The following DAGLA variants were observed in gnomAD, a reference collection of about 807,000 sequenced individuals.
DAGLA encodes the protein diacylglycerol lipase-alpha.
DAGLA carries 22 observed loss-of-function variants against 102.6 expected under a neutral mutation model. That is an observed-to-expected ratio of 0.21 (90% CI 0.15 to 0.31). The LOEUF is 0.31. Among genes scored for constraint, DAGLA ranks in the 10% least tolerant of loss-of-function variants. The probability of loss-of-function intolerance (pLI) is 1.00; values close to 1 mark genes in which losing one functional copy is unlikely to be tolerated. For missense variants in DAGLA, 927 were observed against 1,446.6 expected, an observed-to-expected ratio of 0.64 and a Z score of 5.83; for synonymous variants, 578 against 628.9, an observed-to-expected ratio of 0.92 and a Z score of 1.21.
At chr11:61,695,937 C>T (rs113798599) in intron 1 of DAGLA, among the ~76,000 whole-genome samples, 6,518 of 152,246 alleles carry the variant, frequency 0.043, 199 homozygotes, top group Non-Finnish European at 0.06. Context: ...CGGGCCAGAG[C>T]CCAGGGGCTG....
chr11:61,731,427 GGCTCGGTCCT>G lies in DAGLA; in HGVS notation c.966_974+1del. ...AGCCCGCCTGCGGCCTCTGCCAACT[GGCTCGGTCCT>G]GCTCGTGAGTACCCCTGTCCCATCC... On this transcript the variant is annotated frameshift_variant, in exon 9 of 20. Coordinates refer to ENST00000257215, the MANE Select transcript of DAGLA (RefSeq NM_006133.3). LOFTEE classifies it high-confidence loss of function. 6.2e-7 allele frequency: 1 copy of G among 1,613,786 alleles called. No homozygotes were observed. The highest frequency in any genetic ancestry group is 8.5e-7 in the Non-Finnish European group (1 of 1,180,008).
chr11:61,693,325 T>G (rs1433519671), intron 1 of DAGLA, among the ~76,000 whole-genome samples: 1 of 151,684 alleles, frequency 6.6e-6, no homozygotes, highest in African/African-American at 2.4e-5. Flanking sequence ...ATTTTTGTAA[T>G]AAAAAGATAA....
intron 5 of DAGLA, 62 bp downstream of exon 5, chr11:61,723,634 C>G: frequency 6.3e-7 from 1 of 1,581,414 alleles, no homozygotes; most frequent in African/African-American, 1.3e-5. Context: ...GAGCAGAGGT[C>G]TCCATTCTTC....
chr11:61,744,596 GT>G lies in DAGLA; in HGVS notation c.*110del. The G allele has an allele frequency of 1.0e-6, 1 of 963,166 alleles. No homozygotes were observed. The highest frequency in any genetic ancestry group is 1.5e-6 in the Non-Finnish European group (1 of 656,506). 59.7% of individuals were successfully genotyped at this position (963,166 alleles called of 1,614,324 possible). On this transcript the variant is annotated 3_prime_UTR_variant, in exon 20 of 20. Transcript: ENST00000257215. ...CTTTAAGGACAGACCCCCAGGGGCA[GT>G]TTAGCCTCAGGCACAGGCATCGCTG...
intron 1 of DAGLA, among the ~76,000 whole-genome samples, chr11:61,700,531 A>G (rs1009982823): frequency 6.6e-6 from 1 of 152,168 alleles, no homozygotes; most frequent in African/African-American, 2.4e-5. Context: ...GATTCAGCTC[A>G]TGGCCAGTGA....
intron 5 of DAGLA, among the ~76,000 whole-genome samples, chr11:61,725,514 T>A (rs936504834): frequency 3.3e-5 from 5 of 152,164 alleles, no homozygotes; most frequent in Non-Finnish European, 5.9e-5. Context: ...CTGAAATCCT[T>A]TCTGGGGAAA....
Position 61,744,523 on chromosome 11 carries a change from G to A in DAGLA, c.*34G>A. 6.6e-7 allele frequency: 1 copy of A among 1,510,146 alleles called. No individual in the cohort carries two copies. Among genetic ancestry groups the A allele is most frequent in the Non-Finnish European group, 8.9e-7 (1 of 1,126,364 alleles). The allele number at this position is 1,510,146 out of a possible 1,614,324, so 93.5% of individuals were successfully genotyped here. On this transcript the variant is annotated 3_prime_UTR_variant, in exon 20 of 20. Coordinates refer to ENST00000257215, the MANE Select transcript of DAGLA (RefSeq NM_006133.3). ...TTGCGTGGCCAGCCGGGCCCAGGCA[G>A]GAGCAGGTGGCCCTGTGGGCACCTG...
intron 1 of DAGLA, among the ~76,000 whole-genome samples, chr11:61,703,128 G>A (rs771758786): frequency 2.6e-5 from 4 of 152,140 alleles, no homozygotes; most frequent in African/African-American, 7.2e-5. Flanking sequence ...GCCGTGCTCC[G>A]AAATGGTTTC....
At chr11:61,742,784 C>T (rs2065491831) in intron 19 of DAGLA, among the ~76,000 whole-genome samples, 1 of 149,954 alleles carries the variant, frequency 6.7e-6, no homozygotes, top group Non-Finnish European at 1.5e-5. Context: ...CCCTCCCTCC[C>T]TTCCTCCTTC....
chr11:61,743,503 A>G (rs1382647842), intron 19 of DAGLA, 29 bp from the exon 20 acceptor site: 4 of 1,491,120 alleles, frequency 2.7e-6, no homozygotes, highest in Non-Finnish European at 3.6e-6. Flanking sequence ...TCTGAGTCTT[A>G]TACCCCCTGC....
At chr11:61,737,347 G>A (rs767580917) in intron 14 of DAGLA, 23 bp downstream of exon 14, 6 of 1,607,718 alleles carry the variant, frequency 3.7e-6, no homozygotes. Context: ...GGGCTTCAGA[G>A]TTGGCTGGGG....
chr11:61,720,295 A>T (rs370102818), intron 2 of DAGLA, 45 bp downstream of exon 2: 15 of 1,579,592 alleles, frequency 9.5e-6, no homozygotes, highest in Non-Finnish European at 1.3e-5. Context: ...TTGGAGAGAA[A>T]GGTCTGGAAG....
In DAGLA at chr11:61,680,504, G is replaced by T; in HGVS notation, c.-45G>T. 1 of 150,708 alleles carries T rather than the reference G, an allele frequency of 6.6e-6. No individual in the cohort carries two copies. The highest frequency in any genetic ancestry group is 1.8e-4 in the South Asian group (1 of 5,632). 9.3% of individuals were successfully genotyped at this position (150,708 alleles called of 1,614,324 possible). A position where few individuals can be genotyped will look rare whatever the true frequency, so the allele number is the denominator to read the frequency against. Reference sequence around the variant, plus strand: ...GGGCCGAGCCCTGCGGCGGGCGGGAGGTAAGGGGGGCCTCCGGCGCGGCGG... The same window carrying T: ...GGGCCGAGCCCTGCGGCGGGCGGGATGTAAGGGGGGCCTCCGGCGCGGCGG... On this transcript the variant is annotated splice_region_variant and 5_prime_UTR_variant, in exon 1 of 20. It adds an upstream start codon to the 5' untranslated region. Coordinates refer to ENST00000257215, the MANE Select transcript of DAGLA (RefSeq NM_006133.3).
chr11:61,682,854 G>T (rs532373578), intron 1 of DAGLA, among the ~76,000 whole-genome samples: 26 of 149,980 alleles, frequency 1.7e-4, no homozygotes, highest in East Asian at 1.2e-3. Flanking sequence ...AGGGGGACGG[G>T]GGGGGGAGGT....
At position 61,745,629 on chromosome 11, in the gene DAGLA, A is replaced by T. The variant is rs2065530065; in HGVS notation, c.*1140A>T. 1 of 152,552 alleles carries T rather than the reference A, an allele frequency of 6.6e-6. No homozygotes were observed. Among genetic ancestry groups the T allele is most frequent in the Non-Finnish European group, 1.5e-5 (1 of 68,058 alleles). The allele number at this position is 152,552 out of a possible 1,614,324, so 9.4% of individuals were successfully genotyped here. ...CTGGGGCTGGGAGCAGTCCCGGTTT[A>T]GCCTGAGGTCCCCATAGGGCTTCCT... On this transcript the variant is annotated 3_prime_UTR_variant, in exon 20 of 20. Transcript: ENST00000257215.
Position 61,737,673 on chromosome 11 carries a change from G to A in DAGLA, c.1515-14G>A, listed in dbSNP as rs1463993903. The A allele has an allele frequency of 1.2e-6, 2 of 1,613,544 alleles. No homozygotes were observed. The highest frequency in any genetic ancestry group is 1.7e-5 in the Admixed American group (1 of 59,994). On this transcript the variant is annotated splice_polypyrimidine_tract_variant and intron_variant, in intron 14 of 19. Transcript: ENST00000257215. ...CCCCCTTGGCCTTAGCTTCTGCTTC[G>A]GCTTCCCTTGCAGTGAGGATGCGAT...
intron 13 of DAGLA, 104 bp downstream of exon 13, chr11:61,736,454 C>A: frequency 1.1e-6 from 1 of 933,390 alleles, no homozygotes; most frequent in Non-Finnish European, 1.7e-6. Flanking sequence ...CTCACAACTC[C>A]CACACAAGCC....
rs761590154 is a variant in DAGLA, at chr11:61,734,839, C to A, written c.975-10C>A. ...CCCTGGCCCTGAACTCTCTTGTCAC[C>A]CCACCCTAGGTGTTGCCTGTGTCCT... On this transcript the variant is annotated splice_polypyrimidine_tract_variant and intron_variant, in intron 9 of 19. Transcript: ENST00000257215. The surrounding 1 kb of genome is among the most constrained non-coding windows in gnomAD (Gnocchi z 4.2). 4 of 1,609,022 alleles carry A rather than the reference C, an allele frequency of 2.5e-6. No homozygotes were observed. The South Asian group carries it at 4.4e-5, about 18-fold the overall frequency.
intron 1 of DAGLA, among the ~76,000 whole-genome samples, chr11:61,708,441 C>T (rs1477545859): frequency 2.6e-5 from 4 of 151,822 alleles, no homozygotes; most frequent in African/African-American, 4.8e-5. Context: ...AGTGCAGTGG[C>T]GTGATTTCGG....
Sources: gnomAD v4.1 joint callset for allele counts (sites outside exome capture counted in the v4.1 genomes callset) on GRCh38, gnomAD v4.1.1 for gene constraint, Gnocchi (gnomAD v3.1) non-coding constraint, MANE v1.5 for transcripts, NCBI Gene and HGNC (gene_info 2026-07-23, HGNC 2026-07-21) for gene names.